ANKMY1: variants seen among roughly 807,000 people sequenced by gnomAD.
The protein encoded by ANKMY1 is ankyrin repeat and MYND domain-containing protein 1.
A neutral mutation model predicts 102.0 loss-of-function variants in ANKMY1; 98 were observed. The ratio of observed to expected loss-of-function variants is 0.96; its 90% CI spans 0.82 to 1.14. The LOEUF (loss-of-function observed/expected upper bound fraction) is 1.14, where lower values mean the gene tolerates loss of function less well. Ranked by LOEUF, ANKMY1 falls within the 50% of genes most tolerant of loss-of-function variation. The pLI, the probability that ANKMY1 is intolerant of heterozygous loss-of-function variation, is 0.00. For missense variants in ANKMY1, 1,330 were observed against 1,347.6 expected (o/e 0.99, Z 0.20); for synonymous variants, 582 against 559.9 (o/e 1.04, Z -0.56).
chr2:240,508,431 T>C (rs904647356), intron 12 of ANKMY1, among the ~76,000 whole-genome samples: 2 of 152,260 alleles, frequency 1.3e-5, no homozygotes, highest in African/African-American at 4.8e-5. Context: ...GGAAGCCCCA[T>C]TCTACGTCAG....
chr2:240,476,917 T>G (rs1032152634), downstream of ANKMY1, among the ~76,000 whole-genome samples: 73 of 152,226 alleles, frequency 4.8e-4, no homozygotes, highest in African/African-American at 1.7e-3. Flanking sequence ...AACTTCCACG[T>G]GCAAACTGCA....
At chr2:240,487,884 G>A (rs1233784130) in intron 15 of ANKMY1, among the ~76,000 whole-genome samples, 1 of 152,086 alleles carries the variant, frequency 6.6e-6, no homozygotes, top group Non-Finnish European at 1.5e-5. Flanking sequence ...TTAGTCTCCT[G>A]TCAGGTAAAT....
In ANKMY1 at chr2:240,521,288, A is replaced by G. The variant is rs534524185; in HGVS notation, c.1833-755T>C. Among the ~76,000 whole-genome samples the G allele has an allele frequency of 3.9e-5, 6 of 152,232 alleles. No individual in the cohort carries two copies. The East Asian group carries it at 1.2e-3, about 30-fold the overall frequency. On this transcript the variant is annotated intron_variant, in intron 8 of 17. Transcript: ENST00000401804. ...CTTGAGCACTTGAGCAGCAGCCTCC[A>G]GCCCAGTCTCCAGACCCGTCTCCAG...
chr2:240,543,810 T>C (rs1241274104), intron 4 of ANKMY1, among the ~76,000 whole-genome samples: 2 of 152,192 alleles, frequency 1.3e-5, no homozygotes, highest in African/African-American at 4.8e-5. Flanking sequence ...GTTCATTAGA[T>C]ACCTAAGTCA....
intron 4 of ANKMY1, among the ~76,000 whole-genome samples, chr2:240,546,889 T>TAA (rs2090496554): frequency 1.3e-5 from 2 of 152,194 alleles, no homozygotes; most frequent in South Asian, 4.1e-4. Context: ...CAAAGAGACT[T>TAA]AGACTCCCAC....
At chr2:240,559,042 C>T (rs555668153), upstream of ANKMY1, among the ~76,000 whole-genome samples, 25 of 152,338 alleles carry the variant, frequency 1.6e-4, no homozygotes, top group Admixed American at 1.6e-3. Context: ...TCAGAACCAA[C>T]ATGTAGAAAC....
chr2:240,500,037 G>C lies in ANKMY1; in HGVS notation c.2727C>G (p.Tyr909Ter), dbSNP rs767739839. The part of the protein sequence containing the change: ...TFLARKRLLE[Y>*]MGLQLRQAVF... ...CAGCCTGCCGTAGCTGCAAGCCCAT[G>C]TACTCCAGGAGCCGCTTCCGCGCCA... The change falls in exon 15 of 18, where the codon TAC (tyrosine) becomes TAG (stop). Residue 909 changes from tyrosine (Y) to a stop codon, truncating the protein, a stop_gained. Transcript: ENST00000401804. LOFTEE classifies it high-confidence loss of function. 3.7e-6 allele frequency: 6 copies of C among 1,613,050 alleles called. No homozygotes were observed. Among genetic ancestry groups the C allele is most frequent in the Admixed American group, 3.3e-5 (2 of 59,974 alleles).
chr2:240,477,191 C>G (rs1462190982), downstream of ANKMY1, among the ~76,000 whole-genome samples: 1 of 152,144 alleles, frequency 6.6e-6, no homozygotes, highest in East Asian at 1.9e-4. Context: ...TGGCGCATGC[C>G]TATGATCCCA....
At chr2:240,490,235 A>C (rs2076489909) in intron 15 of ANKMY1, among the ~76,000 whole-genome samples, 1 of 152,036 alleles carries the variant, frequency 6.6e-6, no homozygotes, top group African/African-American at 2.4e-5. Flanking sequence ...TCAACTTTTT[A>C]TTTCATTGAT....
rs1228090805 is a variant in ANKMY1 at position 240,499,198 on chromosome 2, T to C, written c.2806+760A>G. Among the ~76,000 whole-genome samples, 1 of 151,964 alleles carries C rather than the reference T, an allele frequency of 6.6e-6. No homozygotes were observed. The highest frequency in any genetic ancestry group is 1.5e-5 in the Non-Finnish European group (1 of 67,976). On this transcript the variant is annotated intron_variant, in intron 15 of 17. Transcript: ENST00000401804. The surrounding 1 kb of genome is among the most constrained non-coding windows in gnomAD (Gnocchi z 4.2). ...CGGGATCAGCAGGTTCCGGTGTGTG[T>C]GTGCACACACGTGTTAACACGTGAC...
chr2:240,495,059 G>T (rs910580927), intron 15 of ANKMY1, among the ~76,000 whole-genome samples: 3 of 152,116 alleles, frequency 2.0e-5, no homozygotes, highest in African/African-American at 7.2e-5. Flanking sequence ...AGGAGCTGAG[G>T]GGACATGGTG....
In ANKMY1 at chr2:240,551,152, G is replaced by T. The variant is rs1023427886; in HGVS notation, c.480+1762C>A. ...AACAGAACACTGGAATGCTTTTTATGTTTTTTTTTTTTTTGAAATATTGCT... is the reference window on the plus strand; with the variant it reads ...AACAGAACACTGGAATGCTTTTTATTTTTTTTTTTTTTTTGAAATATTGCT... On this transcript the variant is annotated intron_variant, in intron 4 of 17. Coordinates refer to ENST00000401804, the MANE Select transcript of ANKMY1 (RefSeq NM_001282771.3). 1.6e-3 allele frequency among the ~76,000 whole-genome samples: 228 copies of T among 143,348 alleles called. 2 individuals are homozygous for T. Among genetic ancestry groups the T allele is most frequent in the African/African-American group, 5.5e-3 (213 of 39,074 alleles). 94.0% of individuals were successfully genotyped at this position (143,348 alleles called of 152,430 possible). A position where few individuals can be genotyped will look rare whatever the true frequency, so the allele number is the denominator to read the frequency against.
At chr2:240,557,648 C>T (rs2092527769) in intron 1 of ANKMY1, among the ~76,000 whole-genome samples, 1 of 152,232 alleles carries the variant, frequency 6.6e-6, no homozygotes, top group Non-Finnish European at 1.5e-5. Flanking sequence ...AGGCCCGCAC[C>T]CACTATCGCC....
At position 240,500,443 on chromosome 2, in the gene ANKMY1, AC is replaced by A; in HGVS notation, c.2640+8del. 1 of 1,612,220 alleles carries A rather than the reference AC, an allele frequency of 6.2e-7. No homozygotes were observed. Among genetic ancestry groups the A allele is most frequent in the Non-Finnish European group, 8.5e-7 (1 of 1,178,824 alleles). ...CCCCCTCCTTCCTCATGGGAGGCTC[AC>A]CACCTACCTGGAAGAATCTGAAGTA... On this transcript the variant is annotated splice_region_variant and intron_variant, in intron 14 of 17. Transcript: ENST00000401804.
At chr2:240,557,130 C>T (rs2092430893) in intron 2 of ANKMY1, 60 bp downstream of exon 2, 4 of 1,388,808 alleles carry the variant, frequency 2.9e-6, no homozygotes, top group Non-Finnish European at 3.8e-6. Context: ...TAAGGAGAAT[C>T]CCGGCTAACC....
chr2:240,547,220 G>A (rs1005488443), intron 4 of ANKMY1, among the ~76,000 whole-genome samples: 14 of 152,206 alleles, frequency 9.2e-5, no homozygotes, highest in South Asian at 8.3e-4. Flanking sequence ...ACTCAAAACC[G>A]CTCAACTACA....
rs935328252 is a variant in ANKMY1, at chr2:240,499,582, G to A, written c.2806+376C>T. On this transcript the variant is annotated intron_variant, in intron 15 of 17. Coordinates refer to ENST00000401804, the MANE Select transcript of ANKMY1 (RefSeq NM_001282771.3). The surrounding 1 kb of genome is among the most constrained non-coding windows in gnomAD (Gnocchi z 4.2). ...TGCAGGATGCACCCTGTAGGGAGGG[G>A]TGTGACCATGCAGGGGAGCAGCACC... is the stretch of plus-strand genomic sequence containing the variant. Among the ~76,000 whole-genome samples, 2 of 151,964 alleles carry A rather than the reference G, an allele frequency of 1.3e-5. No individual in the cohort carries two copies. Among genetic ancestry groups the A allele is most frequent in the Admixed American group, 1.3e-4 (2 of 15,268 alleles).
In ANKMY1 at chr2:240,526,412, G is replaced by A. The variant is rs199579343; in HGVS notation, c.987C>T (p.Gly329=). 5.0e-5 allele frequency: 81 copies of A among 1,614,134 alleles called. 1 individual carries two copies. The highest frequency in any genetic ancestry group is 2.7e-4 in the East Asian group (12 of 44,886). ...CACTGCGCTTCCCCTCCAGGATGGCGCCCATGTTCCAGCTGGTGTGAGCTG... is the reference window on the plus strand; with the variant it reads ...CACTGCGCTTCCCCTCCAGGATGGCACCCATGTTCCAGCTGGTGTGAGCTG... ...NKPAHTSWNM[G]AILEGKRSGF... Residue 329 remains glycine, a synonymous_variant, in exon 6 of 18, where the codon GGC becomes GGT. Coordinates refer to ENST00000401804, the MANE Select transcript of ANKMY1 (RefSeq NM_001282771.3).
intron 11 of ANKMY1, among the ~76,000 whole-genome samples, chr2:240,509,925 C>T (rs1360143081): frequency 6.6e-6 from 1 of 151,790 alleles, no homozygotes; most frequent in African/African-American, 2.4e-5. Context: ...GCAGCCCCGT[C>T]CATGCCTCCC....
Sources: gnomAD v4.1 joint callset for allele counts (sites outside exome capture counted in the v4.1 genomes callset) on GRCh38, gnomAD v4.1.1 for gene constraint, Gnocchi (gnomAD v3.1) non-coding constraint, MANE v1.5 for transcripts, NCBI Gene and HGNC (gene_info 2026-07-23, HGNC 2026-07-21) for gene names.